PHF20: variants seen among roughly 807,000 people sequenced by gnomAD.
PHF20 encodes glioma-expressed antigen 2.
In PHF20, 23 loss-of-function variants were observed where a neutral mutation model predicts 113.5. The observed-to-expected ratio is 0.20, with a 90% CI of 0.15 to 0.29. The LOEUF (loss-of-function observed/expected upper bound fraction) is 0.29. Among genes scored for constraint, PHF20 ranks in the 10% least tolerant of loss-of-function variants. PHF20 has a pLI of 1.00. For missense variants in PHF20, 943 were observed against 1,219.6 expected (o/e 0.77, Z 3.38); for synonymous variants, 434 against 457.3 (o/e 0.95, Z 0.65).
intron 10 of PHF20, among the ~76,000 whole-genome samples, chr20:35,900,459 C>T (rs182900355): frequency 3.7e-4 from 56 of 152,278 alleles, no homozygotes; most frequent in African/African-American, 9.9e-4. Context: ...GCCATGCAGA[C>T]TAAGGTGAAC....
At chr20:35,916,445 C>T (rs2055404862) in intron 12 of PHF20, among the ~76,000 whole-genome samples, 1 of 152,214 alleles carries the variant, frequency 6.6e-6, no homozygotes, top group African/African-American at 2.4e-5. Flanking sequence ...CTTCCTCATT[C>T]CTCACTGTCT....
intron 1 of PHF20, among the ~76,000 whole-genome samples, chr20:35,780,306 A>T (rs551893456): frequency 9.4e-4 from 141 of 149,230 alleles, no homozygotes; most frequent in African/African-American, 3.5e-3. Context: ...GCTCACTGCA[A>T]GCTCCGCCTC....
At chr20:35,938,007 G>A (rs957107704) in intron 15 of PHF20, among the ~76,000 whole-genome samples, 37 of 152,106 alleles carry the variant, frequency 2.4e-4, no homozygotes, top group African/African-American at 8.2e-4. Flanking sequence ...AAGTAGCTGG[G>A]ACAACAGGCA....
At chr20:35,809,742 ATGG>A (rs1158692956) in intron 2 of PHF20, among the ~76,000 whole-genome samples, 1 of 151,114 alleles carries the variant, frequency 6.6e-6, no homozygotes, top group Non-Finnish European at 1.5e-5. Context: ...AATTCTGGGC[ATGG>A]TGGTACATGC....
intron 9 of PHF20, among the ~76,000 whole-genome samples, chr20:35,892,224 ATTTTT>A (rs780490898): frequency 4.9e-5 from 5 of 102,528 alleles, no homozygotes; most frequent in African/African-American, 1.5e-4. Context: ...CGCCTGGCTG[ATTTTT>A]TTTTTTTTTT....
intron 1 of PHF20, among the ~76,000 whole-genome samples, chr20:35,800,973 A>G (rs2041770075): frequency 6.6e-6 from 1 of 152,142 alleles, no homozygotes; most frequent in Non-Finnish European, 1.5e-5. Context: ...CTATAGGCAT[A>G]CATTACTGTG....
chr20:35,899,503 C>T lies in PHF20; in HGVS notation c.1416C>T (p.His472=). Residue 472 remains histidine (H), a synonymous_variant, in exon 10 of 18, where the codon CAC becomes CAT. Coordinates refer to ENST00000374012, the MANE Select transcript of PHF20 (RefSeq NM_016436.5). The stretch of plus-strand genomic sequence containing the variant: ...GCAAAGCCAAACTGTTGCACTATCA[C>T]ATGAAGTATTTCCATGGAATGGAGA... ...FFRKAKLLHY[H]MKYFHGMEKS... is the part of the protein sequence containing the mutation. 1 of 1,614,190 alleles carries T rather than the reference C, an allele frequency of 6.2e-7. No individual in the cohort carries two copies. The highest frequency in any genetic ancestry group is 8.5e-7 in the Non-Finnish European group (1 of 1,180,042).
Position 35,940,912 on chromosome 20 carries a change from C to G in PHF20, c.2761C>G (p.Arg921Gly). 6.2e-7 allele frequency: 1 copy of G among 1,614,118 alleles called. No homozygotes were observed. Among genetic ancestry groups the G allele is most frequent in the Non-Finnish European group, 8.5e-7 (1 of 1,179,982 alleles). ...KKALPEEAPA[R>G]KLLDRGGEGL... ...GGCCCTACCAGAAGAAGCCCCTGCT[C>G]GGAAGCTGCTGGACAGAGGTGGAGA... Residue 921 changes from arginine to glycine, a missense_variant, in exon 17 of 18, where the codon CGG (arginine) becomes GGG (glycine). Arg to Gly is a moderately radical substitution (Grantham distance 125, BLOSUM62 -2). Around this residue, in one of 3 missense-constraint regions of PHF20, gnomAD observed 349 missense variants for 412.3 expected, o/e 0.85. Transcript: ENST00000374012.
In PHF20 at chr20:35,931,434, A is replaced by C. The variant is rs942511936; in HGVS notation, c.2290A>C (p.Ser764Arg). ...EVLHGLQLKMSILQSREHPDL... is the reference protein window; with the variant it reads ...EVLHGLQLKMRILQSREHPDL... ...TCTGCATGGCCTGCAGCTCAAGATG[A>C]GCATCTTGCAGTAAGTGTGGCACCT... The change falls in exon 15 of 18, where the codon AGC (serine) becomes CGC (arginine). Residue 764 changes from serine (S) to arginine (R), a missense_variant. By Grantham distance (110) the Ser-to-Arg change is moderately radical (BLOSUM62 -1). Transcript: ENST00000374012. 2 of 1,609,726 alleles carry C rather than the reference A, an allele frequency of 1.2e-6. No homozygotes were observed. The highest frequency in any genetic ancestry group is 2.7e-5 in the African/African-American group (2 of 74,856).
intron 15 of PHF20, among the ~76,000 whole-genome samples, chr20:35,938,459 G>A (rs181779099): frequency 6.6e-6 from 1 of 152,242 alleles, no homozygotes; most frequent in Non-Finnish European, 1.5e-5. Context: ...AATCCAGTCA[G>A]GTCTTCTGAC....
intron 7 of PHF20, among the ~76,000 whole-genome samples, 169 bp from the exon 8 acceptor site, chr20:35,870,786 T>G (rs2054407385): frequency 6.6e-6 from 1 of 152,154 alleles, no homozygotes; most frequent in Admixed American, 6.5e-5. Flanking sequence ...CACTTTTCCC[T>G]TACTTAAAAC....
intron 3 of PHF20, among the ~76,000 whole-genome samples, chr20:35,844,353 C>T (rs535962921): frequency 5.3e-4 from 80 of 150,862 alleles, no homozygotes; most frequent in African/African-American, 1.8e-3. Context: ...CCGCCTGCCT[C>T]GGCCTCTCAA....
chr20:35,786,038 A>C (rs1436387222), intron 1 of PHF20, among the ~76,000 whole-genome samples: 11 of 150,664 alleles, frequency 7.3e-5, no homozygotes, highest in African/African-American at 1.5e-4. Flanking sequence ...TCTCAAAAAA[A>C]AAAAAAACAA....
At chr20:35,827,545 G>C (rs2042281997) in intron 2 of PHF20, among the ~76,000 whole-genome samples, 3 of 152,056 alleles carry the variant, frequency 2.0e-5, no homozygotes, top group Non-Finnish European at 4.4e-5. Flanking sequence ...AGCACTTTGG[G>C]AGGCTGAGGT....
At chr20:35,857,385 A>G (rs1036139535) in intron 4 of PHF20, among the ~76,000 whole-genome samples, 1 of 152,016 alleles carries the variant, frequency 6.6e-6, no homozygotes, top group African/African-American at 2.4e-5. Context: ...TTTTTTTCTA[A>G]TGGGAAAAAA....
rs560199651 is a variant in PHF20, at chr20:35,820,168, G to A, written c.83+18563G>A. On this transcript the variant is annotated intron_variant, in intron 2 of 17. Transcript: ENST00000374012. ...TCCCTGAAATTAAATATATTATGAG[G>A]AGATATTTACTCTGTACAAAGTTCA... 1.4e-4 allele frequency among the ~76,000 whole-genome samples: 22 copies of A among 152,214 alleles called. No homozygotes were observed. The South Asian group carries it at 4.4e-3, about 30-fold the overall frequency.
At chr20:35,804,721 T>A (rs929285769) in intron 2 of PHF20, among the ~76,000 whole-genome samples, 19 of 151,996 alleles carry the variant, frequency 1.3e-4, no homozygotes, top group African/African-American at 4.6e-4. Context: ...AATGGGTGCT[T>A]AAATTCCAGT....
At chr20:35,935,318 G>A (rs1413711361) in intron 15 of PHF20, among the ~76,000 whole-genome samples, 2 of 152,054 alleles carry the variant, frequency 1.3e-5, no homozygotes, top group Admixed American at 1.3e-4. Flanking sequence ...TTTTCTTACA[G>A]AAATGCCAGT....
chr20:35,873,796 A>G (rs2054470118), intron 9 of PHF20, among the ~76,000 whole-genome samples: 1 of 152,078 alleles, frequency 6.6e-6, no homozygotes. Flanking sequence ...CTGTATTTCT[A>G]GCATTTTGAA....
Sources: gnomAD v4.1 joint callset for allele counts (sites outside exome capture counted in the v4.1 genomes callset) on GRCh38, gnomAD v4.1.1 for gene constraint, gnomAD v4.1.1 regional missense constraint, MANE v1.5 for transcripts, NCBI Gene and HGNC (gene_info 2026-07-23, HGNC 2026-07-21) for gene names.